TM2D1: variants seen among roughly 807,000 people sequenced by gnomAD.
TM2D1 encodes the protein TM2 domain containing 1.
In TM2D1, 15 loss-of-function variants were observed where a neutral mutation model predicts 28.4. The ratio of observed to expected loss-of-function variants is 0.53; its 90% CI spans 0.35 to 0.81. TM2D1 has a LOEUF of 0.81. TM2D1 is among the 40% of genes least tolerant of loss of function. The pLI, the probability that TM2D1 is intolerant of heterozygous loss-of-function variation, is 0.01. For synonymous variants in TM2D1, 93 were observed against 96.2 expected (o/e 0.97, Z 0.20); for missense variants, 236 against 254.9 (o/e 0.93, Z 0.50).
Position 61,704,136 on chromosome 1 carries a change from C to A in TM2D1, c.348-3111G>T, listed in dbSNP as rs980701735. On this transcript the variant is annotated intron_variant, in intron 3 of 6. Transcript: ENST00000606498. ...AACTCCTGACCTCAGGTGATCTGCC[C>A]GCCTTGGCCTCCTCAAGTGCTGGGA... 1.2e-4 allele frequency among the ~76,000 whole-genome samples: 18 copies of A among 151,852 alleles called. 1 individual carries two copies. The South Asian group carries it at 3.8e-3, about 32-fold the overall frequency.
At chr1:61,683,834 T>C (rs960117276) in intron 5 of TM2D1, 4 of 209,866 alleles carry the variant, frequency 1.9e-5, no homozygotes, top group Non-Finnish European at 3.7e-5. Context: ...CTTGTCTTCA[T>C]TCTGCAGAGT....
rs868270152 is a variant in TM2D1 at position 61,709,228 on chromosome 1, C to G, written c.347+101G>C. On this transcript the variant is annotated intron_variant, in intron 3 of 6. Transcript: ENST00000606498. Reference sequence around the variant, plus strand: ...GACACAAGCAAAAAGATAAAAGATACATTTTCAGGATAGTCCCCATAAATT... The same window carrying G: ...GACACAAGCAAAAAGATAAAAGATAGATTTTCAGGATAGTCCCCATAAATT... 36 of 719,864 alleles carry G rather than the reference C, an allele frequency of 5.0e-5. No individual in the cohort carries two copies. In the Middle Eastern group the frequency reaches 2.1e-3, roughly 41 times the overall value. The allele number at this position is 719,864 out of a possible 1,614,324, so 44.6% of individuals were successfully genotyped here.
At chr1:61,710,669 A>G (rs1644472500) in intron 2 of TM2D1, among the ~76,000 whole-genome samples, 1 of 151,860 alleles carries the variant, frequency 6.6e-6, no homozygotes. Context: ...TTTCAGAAAA[A>G]GCTTACCTCT....
At chr1:61,720,701 ATAAAG>A (rs1403828865) in intron 2 of TM2D1, among the ~76,000 whole-genome samples, 6 of 152,214 alleles carry the variant, frequency 3.9e-5, no homozygotes, top group Non-Finnish European at 5.9e-5. Context: ...AATTGTCTTA[ATAAAG>A]TAAATTTAGT....
rs548780381 is a variant in TM2D1 at position 61,690,371 on chromosome 1, C to T, written c.513+4326G>A. Among the ~76,000 whole-genome samples the T allele has an allele frequency of 3.6e-5, 5 of 138,974 alleles. 1 individual carries two copies. The highest frequency in any genetic ancestry group is 2.4e-4 in the South Asian group (1 of 4,118). 91.2% of individuals were successfully genotyped at this position (138,974 alleles called of 152,430 possible). On this transcript the variant is annotated intron_variant, in intron 5 of 6. Transcript: ENST00000606498. ...ACTCAGGAGGCTGAGGGATGAGAAT[C>T]GCTTGAAGCCGGGAGGCAGAGATTA... is the stretch of plus-strand genomic sequence containing the variant.
intron 5 of TM2D1, among the ~76,000 whole-genome samples, chr1:61,688,246 C>T (rs1383570688): frequency 6.6e-6 from 1 of 151,994 alleles, no homozygotes; most frequent in Non-Finnish European, 1.5e-5. Context: ...CTCTTAAAGG[C>T]ACTAAAAAAA....
At chr1:61,717,910 T>C (rs1644534432) in intron 2 of TM2D1, among the ~76,000 whole-genome samples, 1 of 151,982 alleles carries the variant, frequency 6.6e-6, no homozygotes. Flanking sequence ...GCTACTTGGG[T>C]GGCTGAGGCA....
At position 61,725,123 on chromosome 1, in the gene TM2D1, T is replaced by C. The variant is rs1644597180; in HGVS notation, c.-3A>G. The C allele has an allele frequency of 6.2e-7, 1 of 1,613,396 alleles. No individual in the cohort carries two copies. Among genetic ancestry groups the C allele is most frequent in the Non-Finnish European group, 8.5e-7 (1 of 1,179,848 alleles). On this transcript the variant is annotated 5_prime_UTR_variant, in exon 1 of 7. Coordinates refer to ENST00000606498, the MANE Select transcript of TM2D1 (RefSeq NM_032027.3). ...CCAGACGGCCAGGCGGCCGCCATCTTGGAGACCGACACTTTCTCGCCACTT... is the reference window on the plus strand; with the variant it reads ...CCAGACGGCCAGGCGGCCGCCATCTCGGAGACCGACACTTTCTCGCCACTT...
chr1:61,703,104 C>CA, intron 3 of TM2D1, among the ~76,000 whole-genome samples: 1 of 150,330 alleles, frequency 6.7e-6, no homozygotes, highest in African/African-American at 2.4e-5. Flanking sequence ...AGACTGTCTC[C>CA]AAAAAACAGA....
chr1:61,710,882 C>T (rs1644473884), intron 2 of TM2D1, among the ~76,000 whole-genome samples: 1 of 151,898 alleles, frequency 6.6e-6, no homozygotes, highest in African/African-American at 2.4e-5. Context: ...ACAAACAAAC[C>T]CTATAATGAC....
At chr1:61,704,693 A>C (rs976673774) in intron 3 of TM2D1, among the ~76,000 whole-genome samples, 3 of 152,124 alleles carry the variant, frequency 2.0e-5, no homozygotes, top group Non-Finnish European at 4.4e-5. Flanking sequence ...CAGTCTCCCA[A>C]AGTGTTGGGA....
chr1:61,700,233 A>C (rs1188302669), intron 4 of TM2D1: 2 of 1,527,742 alleles, frequency 1.3e-6, no homozygotes, highest in Non-Finnish European at 8.8e-7. Flanking sequence ...AAGCCTCTAG[A>C]CTCAGTAAAT....
intron 2 of TM2D1, among the ~76,000 whole-genome samples, chr1:61,709,866 C>T (rs1235062435): frequency 2.0e-5 from 3 of 152,144 alleles, no homozygotes; most frequent in Non-Finnish European, 2.9e-5. Context: ...CATATACCAA[C>T]GCTTATAGAT....
At chr1:61,682,489 C>T (rs1164250872) in intron 6 of TM2D1, among the ~76,000 whole-genome samples, 2 of 152,136 alleles carry the variant, frequency 1.3e-5, no homozygotes, top group Non-Finnish European at 2.9e-5. Flanking sequence ...TTAGAATAGA[C>T]TAATGTATGG....
At chr1:61,708,957 G>T (rs978474193) in intron 3 of TM2D1, among the ~76,000 whole-genome samples, 13 of 152,064 alleles carry the variant, frequency 8.5e-5, no homozygotes, top group African/African-American at 3.1e-4. Flanking sequence ...GTCAGGCCAG[G>T]AGTTCGAGAC....
rs1436536180 is a variant in TM2D1 at position 61,700,110 on chromosome 1, G to A, written c.439+824C>T. On this transcript the variant is annotated intron_variant, in intron 4 of 6. Transcript: ENST00000606498. ...TGATCTCTGGAGCCAGAAAATTTGG[G>A]TTCAAATTGAGGTCACTAGCTGAGT... 6 of 1,454,720 alleles carry A rather than the reference G, an allele frequency of 4.1e-6. No homozygotes were observed. The African/African-American group carries it at 5.8e-5, about 14-fold the overall frequency. 90.1% of individuals were successfully genotyped at this position (1,454,720 alleles called of 1,614,324 possible).
intron 6 of TM2D1, among the ~76,000 whole-genome samples, chr1:61,682,981 A>G (rs1036961664): frequency 1.3e-5 from 2 of 152,096 alleles, no homozygotes; most frequent in African/African-American, 4.8e-5. Context: ...TAGAAGAAGC[A>G]CTTACAGGGA....
intron 5 of TM2D1, among the ~76,000 whole-genome samples, chr1:61,684,941 C>A (rs1009164175): frequency 1.3e-5 from 2 of 152,136 alleles, no homozygotes; most frequent in African/African-American, 2.4e-5. Context: ...TCACGCCCAG[C>A]TAATTTTGTT....
chr1:61,697,908 C>A (rs1644375470), intron 4 of TM2D1: 1 of 152,130 alleles, frequency 6.6e-6, no homozygotes, highest in African/African-American at 2.4e-5. Flanking sequence ...TTCCCTTATC[C>A]AATATTTTAT....
Sources: allele counts gnomAD v4.1 joint callset (sites outside exome capture counted in the v4.1 genomes callset), GRCh38; gene constraint gnomAD v4.1.1; transcripts MANE v1.5; gene names NCBI Gene and HGNC (gene_info 2026-07-23, HGNC 2026-07-21).